SAMD5: variants seen among roughly 807,000 people sequenced by gnomAD.
SAMD5 encodes the protein sterile alpha motif domain containing 5.
A neutral mutation model predicts 11.3 loss-of-function variants in SAMD5; 13 were observed. The observed-to-expected ratio is 1.15, with a 90% CI of 0.75 to 1.83. SAMD5 has a LOEUF of 1.83. Among genes scored for constraint, SAMD5 ranks in the 40% most tolerant of loss-of-function variants. SAMD5 has a pLI of 0.00. For missense variants in SAMD5, 255 were observed against 239.1 expected (o/e 1.07, Z -0.44); for synonymous variants, 129 against 111.3 (o/e 1.16, Z -1.00).
chr6:147,836,161 A>T, the SAMD5 span, among the ~76,000 whole-genome samples: 1 of 152,172 alleles, frequency 6.6e-6, no homozygotes, highest in Non-Finnish European at 1.5e-5. Context: ...TGAACCCAGA[A>T]TTTCTCATTA....
intron 1 of SAMD5, among the ~76,000 whole-genome samples, chr6:147,651,835 T>A (rs770764798): frequency 6.6e-6 from 1 of 152,176 alleles, no homozygotes; most frequent in Non-Finnish European, 1.5e-5. Context: ...CATTAGAGAT[T>A]CTTTTACCAA....
rs1327166425 is a variant in SAMD5 at position 147,568,352 on chromosome 6, A to G, written c.*3896A>G. The G allele has an allele frequency of 1.0e-6, 1 of 985,102 alleles. No homozygotes were observed. The highest frequency in any genetic ancestry group is 1.2e-6 in the Non-Finnish European group (1 of 829,732). 61.0% of individuals were successfully genotyped at this position (985,102 alleles called of 1,614,324 possible). On this transcript the variant is annotated 3_prime_UTR_variant, in exon 2 of 2. Coordinates refer to ENST00000367474, the MANE Select transcript of SAMD5 (RefSeq NM_001030060.3). ...TCTCTTGCACAGGGGGTTGAAAAAT[A>G]AAAAAAGAAGTTAACATAATTAAAA...
At chr6:147,898,406 C>G in the SAMD5 span, among the ~76,000 whole-genome samples, 1 of 152,196 alleles carries the variant, frequency 6.6e-6, no homozygotes, top group Non-Finnish European at 1.5e-5. Flanking sequence ...TTATCTCCCT[C>G]TAGGACAGAA....
Position 147,569,219 on chromosome 6 carries a change from TAAAA to T in SAMD5, c.*4776_*4779del, listed in dbSNP as rs71552979. On this transcript the variant is annotated 3_prime_UTR_variant, in exon 2 of 2. Coordinates refer to ENST00000367474, the MANE Select transcript of SAMD5 (RefSeq NM_001030060.3). ...CTGGGCAACAGAGTGAGACTCTGTC[TAAAA>T]AAAAAAAAAAAAGAAAAGAAAAAAG... The T allele has an allele frequency of 1.5e-4, 33 of 215,802 alleles. No individual in the cohort carries two copies. Among genetic ancestry groups the T allele is most frequent in the Non-Finnish European group, 2.0e-4 (30 of 149,220 alleles). The allele number at this position is 215,802 out of a possible 1,614,324, so 13.4% of individuals were successfully genotyped here.
At chr6:147,780,408 A>T in the SAMD5 span, among the ~76,000 whole-genome samples, 1 of 151,982 alleles carries the variant, frequency 6.6e-6, no homozygotes, top group East Asian at 1.9e-4. Context: ...GGATTTCACC[A>T]TGTTGACCAG....
the SAMD5 span, among the ~76,000 whole-genome samples, chr6:147,758,586 G>C: frequency 6.6e-6 from 1 of 152,316 alleles, no homozygotes; most frequent in Middle Eastern, 3.4e-3. Flanking sequence ...CTCCTAATCT[G>C]TTTTCTTGCC....
chr6:147,866,437 G>A, the SAMD5 span, among the ~76,000 whole-genome samples: 2 of 152,156 alleles, frequency 1.3e-5, no homozygotes, highest in African/African-American at 4.8e-5. Flanking sequence ...GCAATGTAAT[G>A]AAAAGTGGGA....
chr6:147,753,572 C>T, the SAMD5 span, among the ~76,000 whole-genome samples: 1 of 152,104 alleles, frequency 6.6e-6, no homozygotes, highest in East Asian at 1.9e-4. Flanking sequence ...AATCCAATTA[C>T]ACTCTTTAAG....
the SAMD5 span, among the ~76,000 whole-genome samples, chr6:147,792,832 G>T: frequency 2.6e-5 from 4 of 152,164 alleles, no homozygotes; most frequent in Non-Finnish European, 5.9e-5. Flanking sequence ...CCCAATGGCT[G>T]ACACTGGAAC....
At chr6:147,585,165 A>G (rs939870887) in intron 1 of SAMD5, among the ~76,000 whole-genome samples, 2 of 152,192 alleles carry the variant, frequency 1.3e-5, no homozygotes, top group African/African-American at 4.8e-5. Context: ...TAATAGTGAC[A>G]TAAGAATCTG....
intron 1 of SAMD5, among the ~76,000 whole-genome samples, chr6:147,593,820 T>G (rs1255741984): frequency 6.6e-6 from 1 of 151,970 alleles, no homozygotes; most frequent in African/African-American, 2.4e-5. Flanking sequence ...CTCATCCCCA[T>G]GAAAGTAAAA....
the SAMD5 span, among the ~76,000 whole-genome samples, chr6:147,749,163 T>C: frequency 8.3e-5 from 12 of 145,276 alleles, no homozygotes; most frequent in Admixed American, 4.8e-4. Context: ...CTGAATATTT[T>C]TTTGTTTTGT....
At chr6:147,921,361 G>T in the SAMD5 span, among the ~76,000 whole-genome samples, 23 of 151,108 alleles carry the variant, frequency 1.5e-4, no homozygotes, top group Non-Finnish European at 3.1e-4. Flanking sequence ...CCAAAGGAGA[G>T]CCAAGGAAAC....
chr6:147,858,150 A>C, the SAMD5 span, among the ~76,000 whole-genome samples: 1 of 152,130 alleles, frequency 6.6e-6, no homozygotes, highest in African/African-American at 2.4e-5. Context: ...GGGGATCTGT[A>C]GCCCCCTATT....
At chr6:147,616,141 C>T (rs1583107759) in intron 1 of SAMD5, among the ~76,000 whole-genome samples, 1 of 139,246 alleles carries the variant, frequency 7.2e-6, no homozygotes, top group Admixed American at 7.2e-5. Flanking sequence ...TTATATATTT[C>T]ATATATATTT....
At chr6:147,803,082 T>G in the SAMD5 span, among the ~76,000 whole-genome samples, 1 of 151,898 alleles carries the variant, frequency 6.6e-6, no homozygotes, top group Non-Finnish European at 1.5e-5. Flanking sequence ...GGACATATAC[T>G]AAATACTTCT....
chr6:147,676,358 G>C (rs1790863386), intron 1 of SAMD5, among the ~76,000 whole-genome samples: 1 of 151,642 alleles, frequency 6.6e-6, no homozygotes, highest in South Asian at 2.1e-4. Flanking sequence ...AGCTCCTTCA[G>C]GTGTTTGCTG....
At chr6:147,518,567 A>C (rs1339384881) in intron 1 of SAMD5, among the ~76,000 whole-genome samples, 1 of 152,200 alleles carries the variant, frequency 6.6e-6, no homozygotes, top group East Asian at 1.9e-4. Context: ...GGACTTGATG[A>C]GGGCTGGTCC....
At chr6:147,664,458 G>A (rs2037586) in intron 1 of SAMD5, among the ~76,000 whole-genome samples, 9,234 of 152,066 alleles carry the variant, frequency 0.061, 620 homozygotes, top group African/African-American at 0.17. Flanking sequence ...CATCAGACTC[G>A]TTTCTCAGTG....
Sources: gnomAD v4.1 joint callset for allele counts (sites outside exome capture counted in the v4.1 genomes callset) on GRCh38, gnomAD v4.1.1 for gene constraint, MANE v1.5 for transcripts, NCBI Gene and HGNC (gene_info 2026-07-23, HGNC 2026-07-21) for gene names.